KYNU: variants seen among roughly 807,000 people sequenced by gnomAD.
The protein encoded by KYNU is kynureninase.
KYNU carries 54 observed loss-of-function variants against 59.2 expected under a neutral mutation model. The ratio of observed to expected loss-of-function variants is 0.91; its 90% confidence interval spans 0.73 to 1.14. The LOEUF is 1.14. Ranked by LOEUF, KYNU falls within the 50% of genes most tolerant of loss-of-function variation. KYNU has a pLI of 0.00. For synonymous variants in KYNU, 177 were observed against 192.0 expected, an observed-to-expected ratio of 0.92 and a Z score of 0.65; for missense variants, 567 against 554.4, an observed-to-expected ratio of 1.02 and a Z score of -0.23.
intron 4 of KYNU, among the ~76,000 whole-genome samples, chr2:142,931,432 C>T (rs550329075): frequency 1.3e-5 from 2 of 152,216 alleles, no homozygotes; most frequent in South Asian, 4.1e-4. Context: ...TCTGGAAACG[C>T]GTCTGTGCCT....
chr2:142,997,777 A>G (rs1685584541), intron 10 of KYNU, among the ~76,000 whole-genome samples: 1 of 152,114 alleles, frequency 6.6e-6, no homozygotes, highest in South Asian at 2.1e-4. Context: ...GTGAGAGATA[A>G]GGGGTTTAAA....
At chr2:142,938,294 C>A (rs1683462941) in intron 4 of KYNU, among the ~76,000 whole-genome samples, 1 of 152,166 alleles carries the variant, frequency 6.6e-6, no homozygotes, top group Admixed American at 6.5e-5. Context: ...AAATCCTTAA[C>A]CAAATTAAAT....
chr2:142,969,981 G>A (rs879657875), intron 8 of KYNU, among the ~76,000 whole-genome samples: 3 of 152,150 alleles, frequency 2.0e-5, no homozygotes, highest in Admixed American at 1.3e-4. Context: ...GTGTTCCAAT[G>A]TGAAATGTAC....
intron 2 of KYNU, among the ~76,000 whole-genome samples, chr2:142,895,246 C>T (rs534841759): frequency 1.2e-4 from 19 of 152,270 alleles, no homozygotes; most frequent in African/African-American, 4.6e-4. Flanking sequence ...AGAACAATTT[C>T]ATAACCCCCA....
In KYNU at chr2:143,029,179, C is replaced by A. The variant is rs546633421; in HGVS notation, c.903-448C>A. 2.6e-5 allele frequency among the ~76,000 whole-genome samples: 4 copies of A among 152,092 alleles called. No homozygotes were observed. In the South Asian group the frequency reaches 8.3e-4, roughly 32 times the overall value. ...TTCTTTTAATTATAAATATTAATTA[C>A]CATATGATACCAGATAGTATTTTAT... On this transcript the variant is annotated intron_variant, in intron 10 of 13. Coordinates refer to ENST00000264170, the MANE Select transcript of KYNU (RefSeq NM_003937.3).
chr2:142,952,276 A>G lies in KYNU; in HGVS notation c.374-2534A>G, dbSNP rs191845453. Among the ~76,000 whole-genome samples, 18 of 152,180 alleles carry G rather than the reference A, an allele frequency of 1.2e-4. No individual in the cohort carries two copies. The East Asian group carries it at 3.5e-3, about 29-fold the overall frequency. The stretch of plus-strand genomic sequence containing the variant: ...TTTTTAGTAGAGACAGGGTCTCACC[A>G]TGTTGCCCAGGCTGGTCTTGAACTC... On this transcript the variant is annotated intron_variant, in intron 4 of 13. Coordinates refer to ENST00000264170, the MANE Select transcript of KYNU (RefSeq NM_003937.3).
chr2:143,043,150 A>T lies in KYNU; in HGVS notation c.*978A>T, dbSNP rs936441578. 3 of 151,910 alleles carry T rather than the reference A, an allele frequency of 2.0e-5. No individual in the cohort carries two copies. The highest frequency in any genetic ancestry group is 4.4e-5 in the Non-Finnish European group (3 of 67,928). 9.4% of individuals were successfully genotyped at this position (151,910 alleles called of 1,614,324 possible). On this transcript the variant is annotated 3_prime_UTR_variant, in exon 14 of 14. Transcript: ENST00000264170. ...TTTTTAAATGAGAACTTCCCCTAAT[A>T]TAAGAGCTTAGATATTATATTACTA...
At chr2:142,895,200 TATAGA>T (rs1177474109) in intron 2 of KYNU, among the ~76,000 whole-genome samples, 4 of 152,178 alleles carry the variant, frequency 2.6e-5, no homozygotes, top group Admixed American at 2.0e-4. Flanking sequence ...TTAACACATG[TATAGA>T]ATTATATTAA....
intron 2 of KYNU, among the ~76,000 whole-genome samples, chr2:142,891,656 A>T (rs952460164): frequency 6.6e-6 from 1 of 152,236 alleles, no homozygotes; most frequent in African/African-American, 2.4e-5. Flanking sequence ...AGAGCCTCTT[A>T]AACTCAACTG....
intron 2 of KYNU, 70 bp from the exon 3 acceptor site, chr2:142,918,539 C>T (rs1317868142): frequency 3.5e-6 from 5 of 1,409,634 alleles, no homozygotes; most frequent in African/African-American, 1.5e-5. Context: ...ATTATTTGTA[C>T]TGGCTTAACA....
chr2:142,984,972 C>T, intron 8 of KYNU, 112 bp from the exon 9 acceptor site: 1 of 752,728 alleles, frequency 1.3e-6, no homozygotes, highest in Non-Finnish European at 2.4e-6. Flanking sequence ...CATCAAAGAG[C>T]AAACCATAAT....
chr2:143,015,491 C>T (rs1686221242), intron 10 of KYNU, among the ~76,000 whole-genome samples: 1 of 152,000 alleles, frequency 6.6e-6, no homozygotes, highest in African/African-American at 2.4e-5. Context: ...AGGATCAGTA[C>T]TTAAATGCTG....
At chr2:142,891,647 G>C (rs932579551) in intron 2 of KYNU, among the ~76,000 whole-genome samples, 16 of 152,198 alleles carry the variant, frequency 1.1e-4, no homozygotes, top group African/African-American at 3.1e-4. Flanking sequence ...ACATAATAGA[G>C]AGCCTCTTAA....
chr2:142,948,465 A>G (rs946253507), intron 4 of KYNU, among the ~76,000 whole-genome samples: 2 of 152,236 alleles, frequency 1.3e-5, no homozygotes, highest in Non-Finnish European at 2.9e-5. Context: ...TTACAAAGGA[A>G]AGAAGTTTAA....
chr2:142,906,729 C>G (rs1682309530), intron 2 of KYNU, among the ~76,000 whole-genome samples: 1 of 152,050 alleles, frequency 6.6e-6, no homozygotes, highest in Non-Finnish European at 1.5e-5. Context: ...GGTTAGGACC[C>G]AAGAGGTATG....
At chr2:142,883,723 G>T (rs562453943) in intron 1 of KYNU, among the ~76,000 whole-genome samples, 11 of 152,220 alleles carry the variant, frequency 7.2e-5, no homozygotes, top group African/African-American at 2.6e-4. Context: ...GACCCTTTAA[G>T]GTAGCTCTTC....
chr2:143,003,286 G>C (rs1332890708), intron 10 of KYNU, among the ~76,000 whole-genome samples: 1 of 142,756 alleles, frequency 7.0e-6, no homozygotes, highest in Non-Finnish European at 1.6e-5. Context: ...CTTTACAGCT[G>C]GGGGGGGTGG....
intron 10 of KYNU, among the ~76,000 whole-genome samples, chr2:143,024,461 C>A (rs897253021): frequency 5.9e-5 from 9 of 152,014 alleles, no homozygotes; most frequent in African/African-American, 2.4e-5. Context: ...ATTAGCTGAA[C>A]ACTTGCTTGA....
chr2:142,900,163 G>A (rs4662306), intron 2 of KYNU, among the ~76,000 whole-genome samples: 33,869 of 152,196 alleles, frequency 0.22, 4,680 homozygotes, highest in South Asian at 0.37. Flanking sequence ...GCACTTAGCC[G>A]TGCAGGAACA....
Sources: gnomAD v4.1 joint callset for allele counts (sites outside exome capture counted in the v4.1 genomes callset) on GRCh38, gnomAD v4.1.1 for gene constraint, MANE v1.5 for transcripts, NCBI Gene and HGNC (gene_info 2026-07-23, HGNC 2026-07-21) for gene names.